SLCO1A2: variants seen among roughly 807,000 people sequenced by gnomAD.
SLCO1A2 encodes the protein OATP-1.
SLCO1A2 carries 67 observed loss-of-function variants against 69.0 expected under a neutral mutation model. That is an observed-to-expected ratio of 0.97 (90% CI 0.80 to 1.19). SLCO1A2 has a LOEUF of 1.19. SLCO1A2 is among the 50% of genes most tolerant of loss of function. SLCO1A2 has a pLI of 0.00. For missense variants in SLCO1A2, 787 were observed against 793.7 expected (o/e 0.99, Z 0.10); for synonymous variants, 260 against 265.9 (o/e 0.98, Z 0.22).
chr12:21,367,283 A>G (rs1205022960), intron 2 of SLCO1A2, among the ~76,000 whole-genome samples: 1 of 152,202 alleles, frequency 6.6e-6, no homozygotes, highest in Non-Finnish European at 1.5e-5. Context: ...AAGCTACTGC[A>G]GTATATGTTC....
At chr12:21,328,213 A>G (rs1952384103) in intron 2 of SLCO1A2, among the ~76,000 whole-genome samples, 1 of 152,132 alleles carries the variant, frequency 6.6e-6, no homozygotes, top group South Asian at 2.1e-4. Context: ...TTCTTTATAA[A>G]TTACCCAGTC....
chr12:21,354,225 T>C (rs1336863782), intron 2 of SLCO1A2, among the ~76,000 whole-genome samples: 11 of 152,220 alleles, frequency 7.2e-5, no homozygotes. Context: ...CTGCGGACAC[T>C]GTGCCGACAA....
intron 2 of SLCO1A2, among the ~76,000 whole-genome samples, chr12:21,328,148 C>T (rs1952378823): frequency 2.0e-5 from 3 of 152,120 alleles, no homozygotes; most frequent in Non-Finnish European, 2.9e-5. Flanking sequence ...TACCTTCCGT[C>T]GTAATTGTGA....
chr12:21,375,134 ATGTT>A (rs1260974605), intron 1 of SLCO1A2, among the ~76,000 whole-genome samples: 1 of 152,154 alleles, frequency 6.6e-6, no homozygotes, highest in Non-Finnish European at 1.5e-5. Context: ...GTTTTTATAG[ATGTT>A]TGTTTATTAT....
chr12:21,363,478 T>G (rs1353127828), intron 2 of SLCO1A2, among the ~76,000 whole-genome samples: 1 of 151,956 alleles, frequency 6.6e-6, no homozygotes, highest in Non-Finnish European at 1.5e-5. Flanking sequence ...ACATCACAAT[T>G]AAAAGAACTA....
intron 2 of SLCO1A2, among the ~76,000 whole-genome samples, chr12:21,356,760 C>T (rs61927807): frequency 0.047 from 7,128 of 152,140 alleles, 257 homozygotes; most frequent in Non-Finnish European, 0.076. Context: ...GCTTAATTCT[C>T]ATGCAGTCCA....
At position 21,320,752 on chromosome 12, in the gene SLCO1A2, G is replaced by A. The variant is rs972544907; in HGVS notation, c.61-1829C>T. 3.7e-4 allele frequency among the ~76,000 whole-genome samples: 57 copies of A among 152,188 alleles called. 1 individual carries two copies. Among genetic ancestry groups the A allele is most frequent in the African/African-American group, 1.3e-3 (55 of 41,506 alleles). On this transcript the variant is annotated intron_variant, in intron 2 of 14. Transcript: ENST00000683939. ...GACCTCAGGTGATCCGCCCACCTTG[G>A]CCTCCCAAAGTACTGGAATTAAAAG...
chr12:21,294,021 C>A lies in SLCO1A2; in HGVS notation c.1361G>T (p.Cys454Phe). The change falls in exon 11 of 15, where the codon TGT becomes TTT. Residue 454 changes from cysteine (C) to phenylalanine (F), a missense_variant. Physicochemically the swap from Cys to Phe is radical, Grantham distance 205 (BLOSUM62 -2). Transcript: ENST00000683939. The stretch of plus-strand genomic sequence containing the variant: ...CAGATATGACAAGCCATTGTTTCCA[C>A]ACACAGGATCCCATATTTTAGATGG... ...NCPSKIWDPV[C>F]GNNGLSYLSA... 1 of 1,612,892 alleles carries A rather than the reference C, an allele frequency of 6.2e-7. No individual in the cohort carries two copies. The highest frequency in any genetic ancestry group is 8.5e-7 in the Non-Finnish European group (1 of 1,179,436).
At chr12:21,381,027 TGATGATCGGCA>T (rs1232776885) in intron 1 of SLCO1A2, among the ~76,000 whole-genome samples, 1 of 152,096 alleles carries the variant, frequency 6.6e-6, no homozygotes, top group Non-Finnish European at 1.5e-5. Flanking sequence ...CACCTAAAAC[TGATGATCGGCA>T]GCTTCCAGAT....
Position 21,279,487 on chromosome 12 carries a change from C to T in SLCO1A2, c.1611-4063G>A, listed in dbSNP as rs75355602. Among the ~76,000 whole-genome samples, 1,012 of 152,166 alleles carry T rather than the reference C, an allele frequency of 6.7e-3. 10 individuals are homozygous for T. Among genetic ancestry groups the T allele is most frequent in the African/African-American group, 0.021 (890 of 41,530 alleles). On this transcript the variant is annotated intron_variant, in intron 12 of 14. Transcript: ENST00000683939. Reference sequence around the variant, plus strand: ...ACGAAGTGACTAACATACAATGGAGCGCCAATACAACTGGCAGCAGACTTT... The same window carrying T: ...ACGAAGTGACTAACATACAATGGAGTGCCAATACAACTGGCAGCAGACTTT...
chr12:21,358,387 C>CA (rs1938541987), intron 2 of SLCO1A2, among the ~76,000 whole-genome samples: 1 of 152,006 alleles, frequency 6.6e-6, no homozygotes, highest in African/African-American at 2.4e-5. Flanking sequence ...TTTTCCTCTC[C>CA]AAAAAATGTT....
At chr12:21,401,624 T>C (rs1275970688) in intron 1 of SLCO1A2, among the ~76,000 whole-genome samples, 1 of 151,816 alleles carries the variant, frequency 6.6e-6, no homozygotes, top group African/African-American at 2.4e-5. Flanking sequence ...GATTTTTAAT[T>C]TTAATCATTT....
Position 21,264,960 on chromosome 12 carries a change from A to G in SLCO1A2, c.*4588T>C, listed in dbSNP as rs954172170. On this transcript the variant is annotated 3_prime_UTR_variant, in exon 15 of 15. Coordinates refer to ENST00000683939, the MANE Select transcript of SLCO1A2 (RefSeq NM_001386879.1). Reference sequence around the variant, plus strand: ...CCATCTTCCCATGACTCTCTGAAACAGGCATGATGCAGATTGGTTTAGGGG... The same window carrying G: ...CCATCTTCCCATGACTCTCTGAAACGGGCATGATGCAGATTGGTTTAGGGG... 6.6e-6 allele frequency: 1 copy of G among 152,406 alleles called. No homozygotes were observed. The highest frequency in any genetic ancestry group is 6.5e-5 in the Admixed American group (1 of 15,278). 9.4% of individuals were successfully genotyped at this position (152,406 alleles called of 1,614,324 possible).
chr12:21,302,018 G>A (rs1022982149), intron 6 of SLCO1A2, among the ~76,000 whole-genome samples: 4 of 151,970 alleles, frequency 2.6e-5, no homozygotes, highest in Non-Finnish European at 4.4e-5. Context: ...TGGAGAACCC[G>A]CCCTATACAC....
chr12:21,321,088 C>A (rs1951552842), intron 2 of SLCO1A2, among the ~76,000 whole-genome samples: 1 of 152,130 alleles, frequency 6.6e-6, no homozygotes, highest in Admixed American at 6.5e-5. Context: ...TCCCAAATAT[C>A]CCAAATCCAC....
chr12:21,364,355 T>C (rs1347613272), intron 2 of SLCO1A2, among the ~76,000 whole-genome samples: 1 of 152,244 alleles, frequency 6.6e-6, no homozygotes, highest in African/African-American at 2.4e-5. Flanking sequence ...CAGCTCTTCA[T>C]GCTGAAAACT....
chr12:21,394,091 G>A (rs1941297544), intron 1 of SLCO1A2, among the ~76,000 whole-genome samples: 3 of 152,254 alleles, frequency 2.0e-5, no homozygotes, highest in East Asian at 1.9e-4. Flanking sequence ...TAAAACTAGG[G>A]TTTCTGTAAG....
chr12:21,379,571 T>TA (rs1475340991), intron 1 of SLCO1A2: 2 of 152,220 alleles, frequency 1.3e-5, no homozygotes, highest in African/African-American at 4.8e-5. Context: ...CTTTTTTTGA[T>TA]AGCAGCTGCA....
chr12:21,336,751 G>T (rs769815775), upstream of SLCO1A2, among the ~76,000 whole-genome samples: 1 of 151,894 alleles, frequency 6.6e-6, no homozygotes, highest in Non-Finnish European at 1.5e-5. Context: ...TCCGTGTGCC[G>T]TCTTTTCATC....
Sources: allele counts gnomAD v4.1 joint callset (sites outside exome capture counted in the v4.1 genomes callset), GRCh38; gene constraint gnomAD v4.1.1; transcripts MANE v1.5; gene names NCBI Gene and HGNC (gene_info 2026-07-23, HGNC 2026-07-21).